Variants in OSBPL9 observed in about 807,000 individuals in gnomAD.
OSBPL9 encodes oxysterol-binding protein-related protein 9.
In OSBPL9, 40 loss-of-function variants were observed where a neutral mutation model predicts 106.6. The ratio of observed to expected loss-of-function variants is 0.38; its 90% confidence interval spans 0.29 to 0.49. OSBPL9 has a LOEUF of 0.49. Ranked by LOEUF, OSBPL9 falls within the 20% of genes least tolerant of loss-of-function variation. The pLI is 0.97. For synonymous variants in OSBPL9, 269 were observed against 295.4 expected (o/e 0.91, Z 0.92); for missense variants, 609 against 887.2 (o/e 0.69, Z 3.98).
the OSBPL9 span, among the ~76,000 whole-genome samples, chr1:51,555,533 C>T: frequency 6.6e-6 from 1 of 151,938 alleles, no homozygotes; most frequent in Non-Finnish European, 1.5e-5. Context: ...AAAGGTTCAA[C>T]AAGAAATGCA....
chr1:51,713,353 T>G (rs1660463274), intron 3 of OSBPL9, among the ~76,000 whole-genome samples: 1 of 152,072 alleles, frequency 6.6e-6, no homozygotes, highest in Non-Finnish European at 1.5e-5. Flanking sequence ...TTTTACCATG[T>G]TGGCCAGGCT....
At chr1:51,683,609 A>G (rs1017473976) in intron 3 of OSBPL9, among the ~76,000 whole-genome samples, 1 of 151,998 alleles carries the variant, frequency 6.6e-6, no homozygotes, top group Non-Finnish European at 1.5e-5. Flanking sequence ...CCTGGCCAAC[A>G]TGACAAAACC....
rs1194565870 is a variant in OSBPL9, at chr1:51,781,324, G to C, written c.1417G>C (p.Glu473Gln). The C allele has an allele frequency of 6.2e-7, 1 of 1,613,988 alleles. No homozygotes were observed. The highest frequency in any genetic ancestry group is 2.2e-5 in the East Asian group (1 of 44,900). The change falls in exon 16 of 24, where the codon GAA (glutamate) becomes CAA (glutamine). Residue 473 changes from glutamate (E) to glutamine (Q), a missense_variant. By Grantham distance (29) the Glu-to-Gln change is conservative. Coordinates refer to ENST00000428468, the MANE Select transcript of OSBPL9 (RefSeq NM_024586.6). ...QCHWTLPNDTEENTELVSEGP... is the reference protein window; with the variant it reads ...QCHWTLPNDTQENTELVSEGP... ...TCATTGGACATTACCAAATGATACT[G>C]AAGAGAACACAGTGAGTTCTGCATT...
chr1:51,727,925 T>C (rs766576906), intron 4 of OSBPL9, among the ~76,000 whole-genome samples: 51 of 152,156 alleles, frequency 3.4e-4, no homozygotes, highest in Admixed American at 5.9e-4. Flanking sequence ...GCTATGACGA[T>C]GTAAGATAGC....
intron 1 of OSBPL9, among the ~76,000 whole-genome samples, chr1:51,629,623 A>G (rs1473625665): frequency 6.6e-6 from 1 of 152,166 alleles, no homozygotes; most frequent in Non-Finnish European, 1.5e-5. Flanking sequence ...GCAACTGACA[A>G]AAGGCAGATT....
chr1:51,573,508 C>CAA (rs961323006), upstream of OSBPL9, among the ~76,000 whole-genome samples: 1,249 of 24,586 alleles, frequency 0.051, 102 homozygotes, highest in African/African-American at 0.15. Flanking sequence ...AACTCCATCT[C>CAA]AAAAAAAAAA....
chr1:51,609,921 G>A (rs1643974634), intron 2 of OSBPL9, among the ~76,000 whole-genome samples: 1 of 151,490 alleles, frequency 6.6e-6, no homozygotes. Context: ...CTAATTTTTT[G>A]TGTCTTTAGT....
At chr1:51,706,148 T>C (rs1481429816) in intron 3 of OSBPL9, among the ~76,000 whole-genome samples, 2 of 152,220 alleles carry the variant, frequency 1.3e-5, no homozygotes, top group Non-Finnish European at 2.9e-5. Context: ...TTGGCATTAT[T>C]CCTTAAGAAT....
At chr1:51,761,244 G>T (rs1671417367) in intron 10 of OSBPL9, among the ~76,000 whole-genome samples, 1 of 148,780 alleles carries the variant, frequency 6.7e-6, no homozygotes, top group African/African-American at 2.6e-5. Context: ...ATGACATCTG[G>T]GTTTTGTTTT....
At chr1:51,784,381 A>G (rs774897148) in intron 19 of OSBPL9, 54 bp downstream of exon 19, 2 of 1,611,188 alleles carry the variant, frequency 1.2e-6, no homozygotes, top group Non-Finnish European at 1.7e-6. Flanking sequence ...TCCTTGAGAC[A>G]TGCCCCTTCC....
At chr1:51,736,342 A>G (rs1384641376) in intron 4 of OSBPL9, among the ~76,000 whole-genome samples, 2 of 152,172 alleles carry the variant, frequency 1.3e-5, no homozygotes, top group African/African-American at 2.4e-5. Context: ...TGGCATATAT[A>G]ATTTCTAAGA....
chr1:51,541,695 G>C, the OSBPL9 span, among the ~76,000 whole-genome samples: 1 of 152,138 alleles, frequency 6.6e-6, no homozygotes, highest in African/African-American at 2.4e-5. Context: ...GATGTAGCAG[G>C]CTTGGTGACT....
At chr1:51,786,170 TAGTA>T (rs1677573933) in intron 21 of OSBPL9, 2 of 460,428 alleles carry the variant, frequency 4.3e-6, no homozygotes. Context: ...GCCTGGCACA[TAGTA>T]AGAACCCAGT....
chr1:51,703,316 A>C (rs528288210), intron 3 of OSBPL9, among the ~76,000 whole-genome samples: 2 of 151,978 alleles, frequency 1.3e-5, no homozygotes, highest in Non-Finnish European at 2.9e-5. Flanking sequence ...CTTTTATTTC[A>C]TTGAGCAGTG....
At chr1:51,554,443 TCAA>T in the OSBPL9 span, among the ~76,000 whole-genome samples, 2 of 152,170 alleles carry the variant, frequency 1.3e-5, no homozygotes, top group Admixed American at 1.3e-4. Context: ...AGGCAAAACT[TCAA>T]CAAGTCAAAG....
intron 4 of OSBPL9, 122 bp downstream of exon 4, chr1:51,714,201 GTTGC>G: frequency 3.1e-6 from 2 of 647,750 alleles, no homozygotes; most frequent in Non-Finnish European, 5.0e-6. Flanking sequence ...TAATTTCTGA[GTTGC>G]TTATTTTTCC....
At chr1:51,651,232 A>C (rs1473949518) in intron 1 of OSBPL9, among the ~76,000 whole-genome samples, 1 of 152,136 alleles carries the variant, frequency 6.6e-6, no homozygotes, top group Non-Finnish European at 1.5e-5. Flanking sequence ...AAAAAATGTT[A>C]CCCATTTGGG....
chr1:51,534,331 G>A, the OSBPL9 span, among the ~76,000 whole-genome samples: 2 of 152,030 alleles, frequency 1.3e-5, no homozygotes, highest in South Asian at 4.1e-4. Context: ...TTTATGCTTT[G>A]GATTTTCTGA....
At chr1:51,562,091 C>G in the OSBPL9 span, 2 of 152,140 alleles carry the variant, frequency 1.3e-5, no homozygotes, top group African/African-American at 4.8e-5. Context: ...TGATCTCATG[C>G]AATCAGAAAG....
Sources: gnomAD v4.1 joint callset for allele counts (sites outside exome capture counted in the v4.1 genomes callset) on GRCh38, gnomAD v4.1.1 for gene constraint, MANE v1.5 for transcripts, NCBI Gene and HGNC (gene_info 2026-07-23, HGNC 2026-07-21) for gene names.